OVCH1: variants seen among roughly 807,000 people sequenced by gnomAD.
OVCH1 encodes ovochymase 1.
A neutral mutation model predicts 138.4 loss-of-function variants in OVCH1; 139 were observed. That is an observed-to-expected ratio of 1.00 (90% CI 0.87 to 1.16). The LOEUF is 1.16. Ranked by LOEUF, OVCH1 falls within the 50% of genes most tolerant of loss-of-function variation. OVCH1 has a pLI of 0.00. For missense variants in OVCH1, 1,367 were observed against 1,357.9 expected, an observed-to-expected ratio of 1.01 and a Z score of -0.11; for synonymous variants, 453 against 467.8, an observed-to-expected ratio of 0.97 and a Z score of 0.41.
downstream of OVCH1, among the ~76,000 whole-genome samples, chr12:29,408,271 C>T (rs1039255986): frequency 3.1e-5 from 4 of 126,996 alleles, 1 homozygote; most frequent in Non-Finnish European, 7.5e-5. Context: ...AATTTGACTT[C>T]CTCTTTTCCT....
At position 29,454,880 on chromosome 12, in the gene OVCH1, G is replaced by GC. The variant is rs767274026; in HGVS notation, c.2490dup (p.Pro831AlafsTer18). 1.5e-5 allele frequency: 24 copies of GC among 1,612,826 alleles called. No homozygotes were observed. The highest frequency in any genetic ancestry group is 1.8e-5 in the Non-Finnish European group (21 of 1,179,096). ...CTGTCTGGTGAAGGTGTGGGTGGTGGCAATTGTTGTTTTAAGGTTTTGCAT... is the reference window on the plus strand; with the variant it reads ...CTGTCTGGTGAAGGTGTGGGTGGTGGCCAATTGTTGTTTTAAGGTTTTGCAT... On this transcript the variant is annotated frameshift_variant, in exon 21 of 28. Transcript: ENST00000318184. LOFTEE classifies it high-confidence loss of function.
chr12:29,474,114 T>C (rs1180593469), intron 14 of OVCH1, among the ~76,000 whole-genome samples: 1 of 139,758 alleles, frequency 7.2e-6, no homozygotes. Context: ...CATATATATA[T>C]CTGTCCCTCT....
intron 27 of OVCH1, among the ~76,000 whole-genome samples, chr12:29,428,317 C>G (rs1050962114): frequency 6.6e-6 from 1 of 152,124 alleles, no homozygotes; most frequent in Non-Finnish European, 1.5e-5. Flanking sequence ...GAACAAAGTC[C>G]ATTTCCTTAG....
In OVCH1 at chr12:29,489,604, GT is replaced by G; in HGVS notation, c.702+15del. The G allele has an allele frequency of 6.3e-7, 1 of 1,596,236 alleles. No homozygotes were observed. Among genetic ancestry groups the G allele is most frequent in the East Asian group, 2.3e-5 (1 of 44,280 alleles). On this transcript the variant is annotated intron_variant, in intron 6 of 27. Transcript: ENST00000318184. ...CACATGTTACTGAACAGCTAGGCTG[GT>G]TTACACTTTTGTACCTGGCAGGCGT...
At chr12:29,410,767 G>C (rs1467516334), downstream of OVCH1, among the ~76,000 whole-genome samples, 1 of 151,428 alleles carries the variant, frequency 6.6e-6, no homozygotes, top group Non-Finnish European at 1.5e-5. Context: ...TCCAACTTTG[G>C]TGAATCTGAC....
chr12:29,482,916 T>C (rs577762487), intron 8 of OVCH1, among the ~76,000 whole-genome samples: 2 of 152,344 alleles, frequency 1.3e-5, no homozygotes, highest in Admixed American at 6.5e-5. Flanking sequence ...CATTGATTAC[T>C]TCCTGAAGCA....
In OVCH1 at chr12:29,476,429, T is replaced by C. The variant is rs1942717939; in HGVS notation, c.1378-130A>G. 4.0e-6 allele frequency: 3 copies of C among 754,998 alleles called. No individual in the cohort carries two copies. The Admixed American group carries it at 6.9e-5, about 17-fold the overall frequency. 46.8% of individuals were successfully genotyped at this position (754,998 alleles called of 1,614,324 possible). On this transcript the variant is annotated intron_variant, in intron 12 of 27. Transcript: ENST00000318184. ...TGCCTTCACATAGAAGTGTAAATAA[T>C]TGCAGTCTCTTTGAAGGGCAATTTG...
intron 26 of OVCH1, among the ~76,000 whole-genome samples, chr12:29,436,913 G>A (rs766461983): frequency 1.3e-5 from 2 of 152,200 alleles, no homozygotes; most frequent in South Asian, 2.1e-4. Context: ...AGCATGGAAA[G>A]GGACCCAAGC....
At chr12:29,433,235 T>TG (rs1941300958) in intron 27 of OVCH1, among the ~76,000 whole-genome samples, 1 of 152,192 alleles carries the variant, frequency 6.6e-6, no homozygotes, top group South Asian at 2.1e-4. Flanking sequence ...CTCATGTGTC[T>TG]GGGGAGGGAC....
intron 16 of OVCH1, among the ~76,000 whole-genome samples, chr12:29,468,877 A>T (rs1942406468): frequency 6.6e-6 from 1 of 152,170 alleles, no homozygotes; most frequent in Non-Finnish European, 1.5e-5. Flanking sequence ...CAACTACTAT[A>T]CCCAGCATCA....
chr12:29,489,611 C>T lies in OVCH1; in HGVS notation c.702+9G>A. 1.2e-6 allele frequency: 2 copies of T among 1,600,492 alleles called. No individual in the cohort carries two copies. The highest frequency in any genetic ancestry group is 1.7e-6 in the Non-Finnish European group (2 of 1,173,000). On this transcript the variant is annotated intron_variant, in intron 6 of 27. Transcript: ENST00000318184. ...TACTGAACAGCTAGGCTGGTTTACA[C>T]TTTTGTACCTGGCAGGCGTCCATTC...
At chr12:29,467,562 T>G (rs908105613) in intron 16 of OVCH1, among the ~76,000 whole-genome samples, 1 of 152,158 alleles carries the variant, frequency 6.6e-6, no homozygotes, top group African/African-American at 2.4e-5. Context: ...ATGTGTCACT[T>G]ATTGCTATGG....
chr12:29,408,261 A>G (rs943581753), downstream of OVCH1, among the ~76,000 whole-genome samples: 1 of 127,122 alleles, frequency 7.9e-6, no homozygotes, highest in Admixed American at 8.1e-5. Context: ...AAACAGGGAC[A>G]ATTTGACTTC....
chr12:29,465,094 A>C (rs17660557), intron 17 of OVCH1, 53 bp downstream of exon 17: 109,623 of 1,451,702 alleles, frequency 0.076, 4,553 homozygotes, highest in Middle Eastern at 0.086. Flanking sequence ...ATTCCTTGGC[A>C]TGTGACAACA....
chr12:29,463,161 G>T (rs1009230720), intron 18 of OVCH1, among the ~76,000 whole-genome samples: 1 of 152,150 alleles, frequency 6.6e-6, no homozygotes, highest in Non-Finnish European at 1.5e-5. Flanking sequence ...GCCTCCAAGA[G>T]GTTCTCAGTC....
At chr12:29,464,878 G>T in intron 17 of OVCH1, 176 bp from the exon 18 acceptor site, 1 of 681,082 alleles carries the variant, frequency 1.5e-6, no homozygotes, top group Non-Finnish European at 2.4e-6. Context: ...AGGGGGCTAT[G>T]AACCACCTTC....
chr12:29,432,040 T>TA (rs965352929), intron 27 of OVCH1, among the ~76,000 whole-genome samples: 92 of 152,284 alleles, frequency 6.0e-4, no homozygotes, highest in African/African-American at 2.1e-3. Flanking sequence ...CGCATAGTTA[T>TA]AGGTTTCAGG....
At chr12:29,412,427 G>A (rs1187328811), downstream of OVCH1, 1 of 152,482 alleles carries the variant, frequency 6.6e-6, no homozygotes, top group East Asian at 1.9e-4. Flanking sequence ...CACGCTGGGA[G>A]CTGTAGACTG....
chr12:29,452,405 C>G (rs773252875), intron 21 of OVCH1, among the ~76,000 whole-genome samples: 13 of 151,964 alleles, frequency 8.6e-5, no homozygotes, highest in Non-Finnish European at 1.9e-4. Context: ...GTTTGGTTCT[C>G]TGTCATTTCT....
Sources: gnomAD v4.1 joint callset for allele counts (sites outside exome capture counted in the v4.1 genomes callset) on GRCh38, gnomAD v4.1.1 for gene constraint, MANE v1.5 for transcripts, NCBI Gene and HGNC (gene_info 2026-07-23, HGNC 2026-07-21) for gene names.